Variants in CNTLN observed in about 807,000 individuals in gnomAD.
CNTLN encodes the protein centlein, also known as centlein, centrosomal protein.
A neutral mutation model predicts 180.0 loss-of-function variants in CNTLN; 212 were observed. That is an observed-to-expected ratio of 1.18 (90% CI 1.05 to 1.32). The LOEUF (loss-of-function observed/expected upper bound fraction) is 1.32. Among genes scored for constraint, CNTLN ranks in the 40% most tolerant of loss-of-function variants. The pLI is 0.00. For missense variants in CNTLN, 2,095 were observed against 1,610.9 expected (o/e 1.30, Z -5.14); for synonymous variants, 722 against 563.1 (o/e 1.28, Z -3.99).
At chr9:17,362,233 G>T (rs535576893) in intron 12 of CNTLN, among the ~76,000 whole-genome samples, 1 of 152,266 alleles carries the variant, frequency 6.6e-6, no homozygotes, top group South Asian at 2.1e-4. Context: ...CTAAGTTGAG[G>T]TAAGTTACAC....
At chr9:17,139,062 T>C (rs1418287505) in intron 1 of CNTLN, among the ~76,000 whole-genome samples, 1 of 152,080 alleles carries the variant, frequency 6.6e-6, no homozygotes, top group African/African-American at 2.4e-5. Context: ...GGAAGTTCTA[T>C]AGTGAGAAAA....
intron 23 of CNTLN, among the ~76,000 whole-genome samples, chr9:17,476,491 A>G (rs994928466): frequency 6.6e-6 from 1 of 152,242 alleles, no homozygotes; most frequent in Non-Finnish European, 1.5e-5. Flanking sequence ...CTTTTGCACC[A>G]AACAGCCAAG....
At chr9:17,443,168 C>T (rs898250101) in intron 18 of CNTLN, among the ~76,000 whole-genome samples, 1 of 152,132 alleles carries the variant, frequency 6.6e-6, no homozygotes, top group African/African-American at 2.4e-5. Context: ...CTAACCAGCA[C>T]ATTAATATAA....
chr9:17,326,683 C>G (rs1031238792), intron 8 of CNTLN, among the ~76,000 whole-genome samples: 3 of 152,100 alleles, frequency 2.0e-5, no homozygotes, highest in Non-Finnish European at 4.4e-5. Context: ...TATCAACAGT[C>G]ATAAATCATG....
At chr9:17,157,736 C>T (rs943830134) in intron 2 of CNTLN, among the ~76,000 whole-genome samples, 1 of 152,066 alleles carries the variant, frequency 6.6e-6, no homozygotes, top group Non-Finnish European at 1.5e-5. Context: ...CCAAGCATGC[C>T]AGACATGTAT....
In CNTLN at chr9:17,503,904, T is replaced by TA. The variant is rs1358116818; in HGVS notation, c.*1255dup. The TA allele has an allele frequency of 6.6e-6, 1 of 151,750 alleles. No homozygotes were observed. Among genetic ancestry groups the TA allele is most frequent in the Non-Finnish European group, 1.5e-5 (1 of 68,040 alleles). The allele number at this position is 151,750 out of a possible 1,614,324, so 9.4% of individuals were successfully genotyped here. A position where few individuals can be genotyped will look rare whatever the true frequency, so the allele number is the denominator to read the frequency against. On this transcript the variant is annotated 3_prime_UTR_variant, in exon 26 of 26. Coordinates refer to ENST00000380647, the MANE Select transcript of CNTLN (RefSeq NM_017738.4). ...AAATTCAAATTTTGGTGTCTGTTAATAAAGTTTTATTGGAACACAGTGGTG... is the reference window on the plus strand; with the variant it reads ...AAATTCAAATTTTGGTGTCTGTTAATAAAAGTTTTATTGGAACACAGTGGTG...
At chr9:17,229,639 G>A (rs1463273653) in intron 3 of CNTLN, among the ~76,000 whole-genome samples, 2 of 152,054 alleles carry the variant, frequency 1.3e-5, no homozygotes, top group Admixed American at 1.3e-4. Flanking sequence ...CCCACATTAT[G>A]AAGGGTAATC....
chr9:17,255,220 A>T (rs371726902), intron 5 of CNTLN, among the ~76,000 whole-genome samples: 2 of 151,710 alleles, frequency 1.3e-5, no homozygotes, highest in Admixed American at 1.3e-4. Flanking sequence ...AATAAATACT[A>T]TGTTGAATAG....
intron 6 of CNTLN, among the ~76,000 whole-genome samples, chr9:17,290,261 C>T (rs1459194380): frequency 6.6e-6 from 1 of 151,922 alleles, no homozygotes; most frequent in Non-Finnish European, 1.5e-5. Flanking sequence ...TGTTGGAATA[C>T]CCTGCCATGT....
At chr9:17,324,857 A>G (rs1820156454) in intron 8 of CNTLN, among the ~76,000 whole-genome samples, 1 of 152,222 alleles carries the variant, frequency 6.6e-6, no homozygotes, top group African/African-American at 2.4e-5. Context: ...GAATTTTGCT[A>G]TAATGTGATA....
At chr9:17,495,216 A>G (rs1458957603) in intron 25 of CNTLN, among the ~76,000 whole-genome samples, 1 of 150,752 alleles carries the variant, frequency 6.6e-6, no homozygotes, top group East Asian at 1.9e-4. Flanking sequence ...TTTAGAGTGT[A>G]CTCTTATACT....
intron 2 of CNTLN, among the ~76,000 whole-genome samples, chr9:17,225,153 C>T (rs188342333): frequency 5.3e-5 from 8 of 152,016 alleles, no homozygotes; most frequent in Non-Finnish European, 1.2e-4. Context: ...AAACTTTTGC[C>T]TTTCTAGACT....
intron 16 of CNTLN, 90 bp from the exon 17 acceptor site, chr9:17,415,698 A>G: frequency 1.1e-6 from 1 of 883,154 alleles, no homozygotes; most frequent in Non-Finnish European, 1.8e-6. Context: ...AAACAATTGT[A>G]TTTTTTAAGT....
chr9:17,339,320 C>T (rs1432749512), intron 10 of CNTLN, among the ~76,000 whole-genome samples: 1 of 152,152 alleles, frequency 6.6e-6, no homozygotes, highest in African/African-American at 2.4e-5. Context: ...GGTCAAGAAA[C>T]AGTTACTTGG....
intron 2 of CNTLN, among the ~76,000 whole-genome samples, chr9:17,222,503 C>G (rs190150727): frequency 1.3e-5 from 2 of 152,004 alleles, no homozygotes; most frequent in African/African-American, 4.8e-5. Context: ...CAAGGGAGAT[C>G]TGATGGTTTT....
In CNTLN at chr9:17,309,354, G is replaced by A. The variant is rs1818964818; in HGVS notation, c.1341+102G>A. 8.5e-6 allele frequency: 8 copies of A among 937,500 alleles called. No individual in the cohort carries two copies. In the East Asian group the frequency reaches 2.1e-4, roughly 24 times the overall value. The allele number at this position is 937,500 out of a possible 1,614,324, so 58.1% of individuals were successfully genotyped here. A position where few individuals can be genotyped will look rare whatever the true frequency, so the allele number is the denominator to read the frequency against. On this transcript the variant is annotated intron_variant, in intron 8 of 25. Coordinates refer to ENST00000380647, the MANE Select transcript of CNTLN (RefSeq NM_017738.4). Reference sequence around the variant, plus strand: ...AAATTTAAATATATTTGCATTTATTGGAGTATAAGAAGTGTGCAGATTGTT... The same window carrying A: ...AAATTTAAATATATTTGCATTTATTAGAGTATAAGAAGTGTGCAGATTGTT...
Position 17,196,275 on chromosome 9 carries a change from C to T in CNTLN, c.450-29928C>T, listed in dbSNP as rs139105978. 8.4e-3 allele frequency among the ~76,000 whole-genome samples: 1,283 copies of T among 152,228 alleles called. 4 individuals carry two copies. The highest frequency in any genetic ancestry group is 0.012 in the African/African-American group (519 of 41,538). ...TTGACCTCAGGTGATCCACCTGCCT[C>T]GGCCTCCCAAAATGCAGGGATTACA... On this transcript the variant is annotated intron_variant, in intron 2 of 25. Coordinates refer to ENST00000380647, the MANE Select transcript of CNTLN (RefSeq NM_017738.4).
chr9:17,211,088 TG>T (rs1262130871), intron 2 of CNTLN, among the ~76,000 whole-genome samples: 3 of 152,206 alleles, frequency 2.0e-5, no homozygotes, highest in African/African-American at 7.2e-5. Context: ...TTTTGGCTTT[TG>T]TTGCCATTGC....
intron 15 of CNTLN, among the ~76,000 whole-genome samples, chr9:17,396,919 C>T (rs1447953392): frequency 1.3e-5 from 2 of 152,094 alleles, no homozygotes; most frequent in Admixed American, 6.6e-5. Context: ...TCGGTGTTAC[C>T]GAGGTTCTTC....
Sources: allele counts gnomAD v4.1 joint callset (sites outside exome capture counted in the v4.1 genomes callset), GRCh38; gene constraint gnomAD v4.1.1; transcripts MANE v1.5; gene names NCBI Gene and HGNC (gene_info 2026-07-23, HGNC 2026-07-21).